The following EIF2D variants were observed in gnomAD, a reference collection of about 807,000 sequenced individuals.
EIF2D encodes the protein eukaryotic translation initiation factor 2D.
In EIF2D, 56 loss-of-function variants were observed where a neutral mutation model predicts 77.4. The ratio of observed to expected loss-of-function variants is 0.72; its 90% CI spans 0.58 to 0.90. The LOEUF is 0.90. EIF2D is among the 40% of genes least tolerant of loss of function. EIF2D has a pLI of 0.00. For missense variants in EIF2D, 574 were observed against 706.5 expected (o/e 0.81, Z 2.13); for synonymous variants, 230 against 271.0 (o/e 0.85, Z 1.49).
Position 206,591,727 on chromosome 1 carries a change from C to T in EIF2D, c.*48G>A, listed in dbSNP as rs1553408970. The T allele has an allele frequency of 3.2e-6, 5 of 1,554,114 alleles. No individual in the cohort carries two copies. The Admixed American group carries it at 6.7e-5, about 21-fold the overall frequency. On this transcript the variant is annotated 3_prime_UTR_variant, in exon 15 of 15. Transcript: ENST00000271764. ...AAAATGCTCATAAAAATTACCAGCC[C>T]AGAGCTTGGATTTCCACCGGATCCA...
Position 206,597,181 on chromosome 1 carries a change from T to C in EIF2D, c.1307A>G (p.Asp436Gly). 6.2e-7 allele frequency: 1 copy of C among 1,613,770 alleles called. No individual in the cohort carries two copies. Among genetic ancestry groups the C allele is most frequent in the Non-Finnish European group, 8.5e-7 (1 of 1,179,754 alleles). Residue 436 changes from aspartate (D) to glycine (G), a missense_variant, in exon 12 of 15, where the codon GAT (aspartate) becomes GGT (glycine). Physicochemically the swap from Asp to Gly is moderately conservative, Grantham distance 94 (BLOSUM62 -1). Transcript: ENST00000271764. ...TAAGATGCAGTCACATAGGATGGGA[T>C]CCAATCTCACAAGACTAAAGGGAAA... ...DADNKNLVRLDPILCDCILEK... is the reference protein window; with the variant it reads ...DADNKNLVRLGPILCDCILEK...
Position 206,585,238 on chromosome 1 carries a change from G to A in EIF2D, c.139-4076C>T, listed in dbSNP as rs781991608. The A allele has an allele frequency of 1.9e-6, 3 of 1,614,138 alleles. No homozygotes were observed. The African/African-American group carries it at 4.0e-5, about 22-fold the overall frequency. On this transcript the variant is annotated intron_variant and NMD_transcript_variant, in intron 2 of 5. Transcript: ENST00000472709. Reference sequence around the variant, plus strand: ...CCCTCTACCTGCGCCTGCTTGCTGGGCCTGACACGGAGGTCCTCAGCTTTG... The same window carrying A: ...CCCTCTACCTGCGCCTGCTTGCTGGACCTGACACGGAGGTCCTCAGCTTTG...
chr1:206,582,666 A>G (rs1668940668), intron 2 of EIF2D, among the ~76,000 whole-genome samples: 1 of 152,212 alleles, frequency 6.6e-6, no homozygotes, highest in Admixed American at 6.5e-5. Context: ...TTTGACAAAT[A>G]GATATTTACT....
chr1:206,609,059 A>T (rs572157395), intron 3 of EIF2D, among the ~76,000 whole-genome samples: 2,909 of 152,258 alleles, frequency 0.019, 53 homozygotes, highest in South Asian at 0.075. Flanking sequence ...CTCAAAAAAA[A>T]AAAAATAAAA....
chr1:206,594,257 C>G (rs1553409631), intron 13 of EIF2D: 1 of 152,252 alleles, frequency 6.6e-6, no homozygotes, highest in African/African-American at 2.4e-5. Flanking sequence ...CAGTATGTAT[C>G]TCCAAAAGAC....
chr1:206,609,183 A>G (rs574392109), intron 3 of EIF2D, among the ~76,000 whole-genome samples, 193 bp downstream of exon 3: 75 of 152,394 alleles, frequency 4.9e-4, no homozygotes, highest in African/African-American at 1.7e-3. Context: ...ACACTTATTT[A>G]AGCCTTACAA....
Position 206,584,235 on chromosome 1 carries a change from C to A in EIF2D, c.139-3073G>T. On this transcript the variant is annotated intron_variant and NMD_transcript_variant, in intron 2 of 5. Coordinates refer to the EIF2D transcript ENST00000472709. This position sits in a 1 kb window ranked among gnomAD's most constrained non-coding sequence, Gnocchi z 4.9. The stretch of plus-strand genomic sequence containing the variant: ...CCCAGCCCACTATGGGGAAAGGGAT[C>A]TCTGCTCCTTCCTCCAGCTCTCCCA... 1.4e-6 allele frequency: 1 copy of A among 731,278 alleles called. No individual in the cohort carries two copies. Among genetic ancestry groups the A allele is most frequent in the Non-Finnish European group, 2.2e-6 (1 of 452,290 alleles). The allele number at this position is 731,278 out of a possible 1,614,324, so 45.3% of individuals were successfully genotyped here.
chr1:206,582,200 G>A (rs549454933), intron 2 of EIF2D, among the ~76,000 whole-genome samples: 1 of 152,346 alleles, frequency 6.6e-6, no homozygotes, highest in South Asian at 2.1e-4. Flanking sequence ...CTGAGGGACA[G>A]TGGCTTCGAC....
chr1:206,606,710 GC>G (rs1553412777), intron 4 of EIF2D, among the ~76,000 whole-genome samples: 3 of 152,070 alleles, frequency 2.0e-5, no homozygotes, highest in Non-Finnish European at 4.4e-5. Flanking sequence ...CCCCTCCCAT[GC>G]CTACCATCGC....
At chr1:206,593,957 T>C (rs1043629243) in intron 13 of EIF2D, 164 bp from the exon 14 acceptor site, 6 of 571,948 alleles carry the variant, frequency 1.0e-5, no homozygotes, top group Non-Finnish European at 8.8e-6. Flanking sequence ...ATTTTTGTGC[T>C]TCTAAATTGA....
At chr1:206,570,077 CCTTTTT>C (rs1249250683), downstream of EIF2D, among the ~76,000 whole-genome samples, 4 of 106,964 alleles carry the variant, frequency 3.7e-5, no homozygotes, top group African/African-American at 1.1e-4. Flanking sequence ...ATAAAATTTA[CCTTTTT>C]TTTTTTTTTT....
downstream of EIF2D, chr1:206,587,585 C>G (rs2102265376): frequency 6.4e-6 from 1 of 156,608 alleles, no homozygotes; most frequent in East Asian, 1.9e-4. Flanking sequence ...CTGAGGCTGG[C>G]TCAGAGATCT....
Position 206,579,701 on chromosome 1 carries a change from T to C in EIF2D, c.*254+991A>G, listed in dbSNP as rs1668794670. Among the ~76,000 whole-genome samples, 1 of 152,192 alleles carries C rather than the reference T, an allele frequency of 6.6e-6. No individual in the cohort carries two copies. The highest frequency in any genetic ancestry group is 1.5e-5 in the Non-Finnish European group (1 of 68,036). On this transcript the variant is annotated intron_variant and NMD_transcript_variant, in intron 4 of 5. Transcript: ENST00000472709. This position sits in a 1 kb window ranked among gnomAD's most constrained non-coding sequence, Gnocchi z 4.2. ...ATGCCCAGACTGCACCCCAGACCAATTAAATCAGAATCTCCAGGGATGAAG... is the reference window on the plus strand; with the variant it reads ...ATGCCCAGACTGCACCCCAGACCAACTAAATCAGAATCTCCAGGGATGAAG...
rs202132052 is a variant in EIF2D at position 206,595,730 on chromosome 1, C to G, written c.1497G>C (p.Ala499=). Residue 499 remains alanine (A), a synonymous_variant, in exon 13 of 15, where the codon GCG becomes GCC. Coordinates refer to ENST00000271764, the MANE Select transcript of EIF2D (RefSeq NM_006893.3). ...TTTCTAAAATTACCTTTTTATTAGA[C>G]GCTCTTTGTGCTAGGGTGATGTCAA... ...CPIDITLAQR[A]SNKKVTVVRN... is the part of the protein sequence containing the mutation. 2 of 1,613,228 alleles carry G rather than the reference C, an allele frequency of 1.2e-6. No homozygotes were observed. Among genetic ancestry groups the G allele is most frequent in the Non-Finnish European group, 1.7e-6 (2 of 1,179,532 alleles).
At chr1:206,591,948 A>C in intron 14 of EIF2D, 103 bp from the exon 15 acceptor site, 11 of 1,152,182 alleles carry the variant, frequency 9.5e-6, no homozygotes, top group Non-Finnish European at 1.4e-5. Flanking sequence ...CACCCAGCTC[A>C]AACTCAACTT....
At chr1:206,569,967 A>G (rs1668396190), downstream of EIF2D, among the ~76,000 whole-genome samples, 1 of 152,080 alleles carries the variant, frequency 6.6e-6, no homozygotes, top group African/African-American at 2.4e-5. Context: ...AAGTAAGGGA[A>G]GCTCCCAACT....
At chr1:206,571,706 C>T (rs1553404210) in intron 5 of EIF2D, among the ~76,000 whole-genome samples, 2 of 152,140 alleles carry the variant, frequency 1.3e-5, no homozygotes, top group African/African-American at 4.8e-5. Flanking sequence ...GGCAGGAGGC[C>T]AATTCTGTCA....
At chr1:206,572,894 G>A (rs1473010702) in intron 4 of EIF2D, among the ~76,000 whole-genome samples, 1 of 152,160 alleles carries the variant, frequency 6.6e-6, no homozygotes, top group African/African-American at 2.4e-5. Context: ...TGTGGCCTTG[G>A]CTGAAGGGCC....
intron 1 of EIF2D, 111 bp from the exon 2 acceptor site, chr1:206,611,485 G>T (rs79327344): frequency 0.042 from 35,373 of 841,594 alleles, 949 homozygotes; most frequent in Admixed American, 0.05. Flanking sequence ...AAGAAAGATT[G>T]CCTGGTTTAT....
Sources: gnomAD v4.1 joint callset for allele counts (sites outside exome capture counted in the v4.1 genomes callset) on GRCh38, gnomAD v4.1.1 for gene constraint, Gnocchi (gnomAD v3.1) non-coding constraint, MANE v1.5 for transcripts, NCBI Gene and HGNC (gene_info 2026-07-23, HGNC 2026-07-21) for gene names.